Variants in DLG2 observed in about 807,000 individuals in gnomAD.
The protein encoded by DLG2 is discs large MAGUK scaffold protein 2.
Under a neutral mutation model 132.5 loss-of-function variants are expected in DLG2, and 45 were observed. The observed-to-expected ratio is 0.34, with a 90% confidence interval of 0.27 to 0.44. The LOEUF is 0.44. DLG2 is among the 20% of genes least tolerant of loss of function. The pLI, the probability that DLG2 is intolerant of heterozygous loss-of-function variation, is 1.00. For missense variants in DLG2, 1,045 were observed against 1,196.9 expected (o/e 0.87, Z 1.87); for synonymous variants, 424 against 419.6 (o/e 1.01, Z -0.13).
At chr11:85,433,639 C>G (rs1197892102) in intron 3 of DLG2, among the ~76,000 whole-genome samples, 1 of 152,062 alleles carries the variant, frequency 6.6e-6, no homozygotes, top group Non-Finnish European at 1.5e-5. Flanking sequence ...GTATATGCAC[C>G]CAATACAGGA....
chr11:85,135,033 T>C (rs896181232), intron 5 of DLG2, among the ~76,000 whole-genome samples: 1 of 152,164 alleles, frequency 6.6e-6, no homozygotes, highest in African/African-American at 2.4e-5. Flanking sequence ...TTCACCCTCA[T>C]TTGTTACATC....
intron 3 of DLG2, among the ~76,000 whole-genome samples, chr11:85,413,775 C>G (rs892448036): frequency 6.6e-6 from 1 of 152,022 alleles, no homozygotes; most frequent in Non-Finnish European, 1.5e-5. Context: ...ATTTTTATAC[C>G]AGTGCCATGC....
At chr11:84,983,852 C>T (rs1405763742) in intron 6 of DLG2, among the ~76,000 whole-genome samples, 1 of 152,088 alleles carries the variant, frequency 6.6e-6, no homozygotes, top group Non-Finnish European at 1.5e-5. Flanking sequence ...ATGCAAAATG[C>T]TCTGGAAAGT....
intron 5 of DLG2, among the ~76,000 whole-genome samples, chr11:85,139,565 AG>A (rs1227423417): frequency 2.1e-4 from 32 of 152,094 alleles, no homozygotes; most frequent in Non-Finnish European, 3.5e-4. Context: ...CATAGTAAAA[AG>A]GTTATTATAG....
chr11:85,316,358 T>C (rs556715146), intron 3 of DLG2, among the ~76,000 whole-genome samples: 57 of 152,154 alleles, frequency 3.7e-4, no homozygotes, highest in African/African-American at 1.3e-3. Context: ...TCCTGATGTT[T>C]AGTTATTTGA....
intron 3 of DLG2, among the ~76,000 whole-genome samples, chr11:85,343,933 A>T (rs2082667408): frequency 6.6e-6 from 1 of 152,204 alleles, no homozygotes; most frequent in South Asian, 2.1e-4. Flanking sequence ...ACAGATGCAG[A>T]ATGGAAGTAA....
At chr11:83,556,166 T>C (rs1381937448) in intron 19 of DLG2, among the ~76,000 whole-genome samples, 1 of 152,108 alleles carries the variant, frequency 6.6e-6, no homozygotes, top group Non-Finnish European at 1.5e-5. Context: ...AGAAGGTGGT[T>C]CCTTGGAAGA....
At chr11:84,562,217 G>A (rs1378991059) in intron 6 of DLG2, among the ~76,000 whole-genome samples, 2 of 152,026 alleles carry the variant, frequency 1.3e-5, no homozygotes, top group Non-Finnish European at 2.9e-5. Context: ...GGCTGTCATA[G>A]ACTAAATAAT....
intron 4 of DLG2, among the ~76,000 whole-genome samples, chr11:85,160,323 G>C (rs1018004862): frequency 2.6e-5 from 4 of 152,218 alleles, no homozygotes; most frequent in African/African-American, 9.6e-5. Flanking sequence ...AGATCCAATG[G>C]TGCTTGAGAT....
intron 16 of DLG2, among the ~76,000 whole-genome samples, chr11:83,850,161 T>TGTGTGTGTGTGTGTGTGTGTGTG (rs58290466): frequency 1.6e-5 from 2 of 126,758 alleles, no homozygotes; most frequent in South Asian, 2.3e-4. Flanking sequence ...TGTGTGTGTG[T>TGTGTGTGTGTGTGTGTGTGTGTG]TTTTTTACTT....
chr11:84,839,672 G>C (rs2080338037), intron 6 of DLG2, among the ~76,000 whole-genome samples: 1 of 151,890 alleles, frequency 6.6e-6, no homozygotes, highest in Non-Finnish European at 1.5e-5. Context: ...CAGAACAGAG[G>C]CCTCAGAAAT....
At chr11:84,735,796 A>G (rs2063753713) in intron 6 of DLG2, among the ~76,000 whole-genome samples, 1 of 152,060 alleles carries the variant, frequency 6.6e-6, no homozygotes, top group African/African-American at 2.4e-5. Flanking sequence ...TTCCCTCTAC[A>G]CACTGCTAGA....
intron 6 of DLG2, among the ~76,000 whole-genome samples, chr11:84,723,112 G>C (rs976032551): frequency 6.6e-6 from 1 of 152,084 alleles, no homozygotes; most frequent in African/African-American, 2.4e-5. Context: ...CAAGAGAATA[G>C]ATCCTAAAAA....
chr11:84,585,564 G>C (rs2099527649), intron 6 of DLG2, among the ~76,000 whole-genome samples: 1 of 152,138 alleles, frequency 6.6e-6, no homozygotes, highest in Non-Finnish European at 1.5e-5. Context: ...GATTTTTGCA[G>C]GAATTGCATT....
intron 6 of DLG2, among the ~76,000 whole-genome samples, chr11:84,677,755 C>A (rs1048133635): frequency 3.3e-5 from 5 of 151,918 alleles, no homozygotes; most frequent in Admixed American, 6.6e-5. Context: ...TAGCTGGGTG[C>A]AGTAGCATGC....
chr11:83,460,741 C>T (rs1166063243), intron 27 of DLG2, among the ~76,000 whole-genome samples: 2 of 152,138 alleles, frequency 1.3e-5, no homozygotes, highest in Admixed American at 6.5e-5. Flanking sequence ...TATTTAAAAA[C>T]AATCCTCAGA....
intron 6 of DLG2, among the ~76,000 whole-genome samples, chr11:84,978,374 A>G (rs2055224989): frequency 6.6e-6 from 1 of 152,184 alleles, no homozygotes; most frequent in Non-Finnish European, 1.5e-5. Context: ...CAAAAGAACA[A>G]AGCCGGAGGC....
chr11:85,061,366 C>T (rs773439587), intron 6 of DLG2, among the ~76,000 whole-genome samples: 1 of 151,628 alleles, frequency 6.6e-6, no homozygotes, highest in African/African-American at 2.4e-5. Flanking sequence ...AATACATACA[C>T]GATTTGAACT....
chr11:85,615,990 A>G (rs939808247), intron 2 of DLG2, among the ~76,000 whole-genome samples: 1 of 148,408 alleles, frequency 6.7e-6, no homozygotes, highest in African/African-American at 2.5e-5. Flanking sequence ...TATATGGTCT[A>G]GGTCTCTTGA....
Sources: gnomAD v4.1 joint callset for allele counts (sites outside exome capture counted in the v4.1 genomes callset) on GRCh38, gnomAD v4.1.1 for gene constraint, MANE v1.5 for transcripts, NCBI Gene and HGNC (gene_info 2026-07-23, HGNC 2026-07-21) for gene names.